The following FUT8 variants were observed in gnomAD, a reference collection of about 807,000 sequenced individuals.
FUT8 encodes fucosyltransferase 8.
In FUT8, 29 loss-of-function variants were observed where a neutral mutation model predicts 71.3. The observed-to-expected ratio is 0.41, with a 90% CI of 0.30 to 0.55. The LOEUF is 0.55. Ranked by LOEUF, FUT8 falls within the 20% of genes least tolerant of loss-of-function variation. The probability of loss-of-function intolerance (pLI) is 0.34; values close to 1 mark genes in which losing one functional copy is unlikely to be tolerated. For missense variants in FUT8, 544 were observed against 702.1 expected, an observed-to-expected ratio of 0.77 and a Z score of 2.55; for synonymous variants, 254 against 239.3, an observed-to-expected ratio of 1.06 and a Z score of -0.57.
chr14:65,611,197 A>G lies in FUT8; in HGVS notation c.204-4781A>G, dbSNP rs867617963. Among the ~76,000 whole-genome samples, 497 of 61,162 alleles carry G rather than the reference A, an allele frequency of 8.1e-3. 47 individuals are homozygous for G. Among genetic ancestry groups the G allele is most frequent in the African/African-American group, 0.027 (369 of 13,450 alleles). 40.1% of individuals were successfully genotyped at this position (61,162 alleles called of 152,430 possible). On this transcript the variant is annotated intron_variant, in intron 3 of 10. Coordinates refer to ENST00000673929, the MANE Select transcript of FUT8 (RefSeq NM_001371533.1). ...TTTTAAGTGTCATACACACACACAC[A>G]CGCGCGCGCGCGCGCGCGCGCGCGC...
At chr14:65,381,184 C>T in the FUT8 span, among the ~76,000 whole-genome samples, 4 of 152,218 alleles carry the variant, frequency 2.6e-5, no homozygotes, top group Non-Finnish European at 4.4e-5. Flanking sequence ...AGCCCCATCT[C>T]CCTTTGCTCT....
intron 7 of FUT8, among the ~76,000 whole-genome samples, chr14:65,719,752 T>C (rs972505761): frequency 6.6e-5 from 10 of 152,202 alleles, no homozygotes; most frequent in African/African-American, 2.2e-4. Context: ...CTAGAAGAAT[T>C]CTCTGGATTA....
intron 3 of FUT8, among the ~76,000 whole-genome samples, chr14:65,611,203 G>A (rs1392356306): frequency 0.084 from 141 of 1,688 alleles, 16 homozygotes; most frequent in Admixed American, 0.15. Context: ...ACACACGCGC[G>A]CGCGCGCGCG....
At chr14:65,741,840 A>G (rs1896519850) in intron 10 of FUT8, among the ~76,000 whole-genome samples, 1 of 151,986 alleles carries the variant, frequency 6.6e-6, no homozygotes, top group African/African-American at 2.4e-5. Context: ...TTTGTACTAT[A>G]TAGAGATAGA....
chr14:65,410,970 A>G (rs755505877), upstream of FUT8: 4 of 152,194 alleles, frequency 2.6e-5, no homozygotes, highest in Non-Finnish European at 5.9e-5. Context: ...TAAACTAAGA[A>G]GTAAATATCC....
chr14:65,600,171 C>T (rs921590637), intron 3 of FUT8, among the ~76,000 whole-genome samples: 1 of 152,196 alleles, frequency 6.6e-6, no homozygotes, highest in Admixed American at 6.5e-5. Flanking sequence ...TCTCTTAATG[C>T]AAAACCTGTT....
At chr14:65,679,539 T>C (rs1476340943) in intron 7 of FUT8, among the ~76,000 whole-genome samples, 1 of 152,220 alleles carries the variant, frequency 6.6e-6, no homozygotes, top group Non-Finnish European at 1.5e-5. Flanking sequence ...ATTGAGTTCA[T>C]TCAACTATTG....
intron 2 of FUT8, chr14:65,516,392 A>C (rs1369793933): frequency 2.6e-5 from 4 of 152,150 alleles, no homozygotes; most frequent in African/African-American, 9.7e-5. Flanking sequence ...AATGGAGGTG[A>C]ATTTATGTGT....
intron 6 of FUT8, among the ~76,000 whole-genome samples, chr14:65,634,516 C>T (rs1171899984): frequency 6.7e-6 from 1 of 150,374 alleles, no homozygotes; most frequent in Admixed American, 6.6e-5. Flanking sequence ...TGTCCTATGA[C>T]CCTGCCAAAT....
At chr14:65,473,958 A>T in intron 2 of FUT8, among the ~76,000 whole-genome samples, 1 of 152,162 alleles carries the variant, frequency 6.6e-6, no homozygotes, top group East Asian at 1.9e-4. Context: ...ATGTAATACC[A>T]CTCAGCCATA....
intron 6 of FUT8, among the ~76,000 whole-genome samples, chr14:65,632,999 T>TCCCCCC (rs1407705169): frequency 9.9e-6 from 1 of 100,776 alleles, no homozygotes; most frequent in East Asian, 5.6e-4. Context: ...CTCTCCCCTC[T>TCCCCCC]CCCCTCCCCC....
chr14:65,586,927 G>A (rs1273919441), intron 3 of FUT8, among the ~76,000 whole-genome samples: 3 of 152,116 alleles, frequency 2.0e-5, no homozygotes, highest in Non-Finnish European at 4.4e-5. Context: ...TGTGGCTCAC[G>A]CCTGTAATCC....
chr14:65,504,662 G>C (rs959989491), intron 2 of FUT8, among the ~76,000 whole-genome samples: 4 of 152,236 alleles, frequency 2.6e-5, no homozygotes, highest in African/African-American at 9.6e-5. Context: ...GTGTTCTCCT[G>C]CCTCAGCCTC....
chr14:65,616,612 A>G (rs1889297963), intron 5 of FUT8, among the ~76,000 whole-genome samples: 2 of 152,224 alleles, frequency 1.3e-5, no homozygotes, highest in Admixed American at 1.3e-4. Context: ...TACATTCTAA[A>G]TAAATTCTGA....
chr14:65,504,848 AGG>A (rs2066701876), intron 2 of FUT8, among the ~76,000 whole-genome samples: 1 of 152,128 alleles, frequency 6.6e-6, no homozygotes, highest in African/African-American at 2.4e-5. Context: ...GCCACTGTGC[AGG>A]AGAATGGCTT....
rs540064747 is a variant in FUT8, at chr14:65,740,695, A to G, written c.1411-1398A>G. Among the ~76,000 whole-genome samples the G allele has an allele frequency of 3.1e-4, 47 of 152,058 alleles. 1 individual carries two copies. The South Asian group carries it at 8.7e-3, about 28-fold the overall frequency. ...GAATTGGGAGGTGCCACATATTTTT[A>G]AACAATCAGATCTCACGAGAACTCA... On this transcript the variant is annotated intron_variant, in intron 10 of 10. Transcript: ENST00000673929.
At chr14:65,406,546 T>C (rs993785819), upstream of FUT8, among the ~76,000 whole-genome samples, 1 of 152,212 alleles carries the variant, frequency 6.6e-6, no homozygotes, top group Non-Finnish European at 1.5e-5. Flanking sequence ...CTTTCTCTCT[T>C]TCTTTCTGAG....
At chr14:65,514,328 G>T (rs1882560188) in intron 2 of FUT8, among the ~76,000 whole-genome samples, 1 of 152,202 alleles carries the variant, frequency 6.6e-6, no homozygotes, top group Admixed American at 6.5e-5. Context: ...CTGCTGGCAG[G>T]ACCCTCAAGG....
chr14:65,412,137 G>GC (rs1296066808), upstream of FUT8: 2 of 456,738 alleles, frequency 4.4e-6, no homozygotes, highest in East Asian at 1.4e-4. Flanking sequence ...CGTGGGGGGG[G>GC]TCTTTCTCTT....
Sources: allele counts gnomAD v4.1 joint callset (sites outside exome capture counted in the v4.1 genomes callset), GRCh38; gene constraint gnomAD v4.1.1; transcripts MANE v1.5; gene names NCBI Gene and HGNC (gene_info 2026-07-23, HGNC 2026-07-21).